Variants in DLG2 observed in about 807,000 individuals in gnomAD.
DLG2 encodes discs large MAGUK scaffold protein 2, also known as disks large homolog 2.
A neutral mutation model predicts 132.5 loss-of-function variants in DLG2; 45 were observed. The observed-to-expected ratio is 0.34, with a 90% CI of 0.27 to 0.44. The LOEUF (loss-of-function observed/expected upper bound fraction) is 0.44, where lower values mean the gene tolerates loss of function less well. Ranked by LOEUF, DLG2 falls within the 20% of genes least tolerant of loss-of-function variation. DLG2 has a pLI of 1.00. For missense variants in DLG2, 1,045 were observed against 1,196.9 expected, an observed-to-expected ratio of 0.87 and a Z score of 1.87; for synonymous variants, 424 against 419.6, an observed-to-expected ratio of 1.01 and a Z score of -0.13.
At chr11:83,900,162 C>A (rs1272335990) in intron 15 of DLG2, among the ~76,000 whole-genome samples, 1 of 152,050 alleles carries the variant, frequency 6.6e-6, no homozygotes, top group Non-Finnish European at 1.5e-5. Flanking sequence ...TTCTAAGCAG[C>A]AAAGCATTCA....
chr11:84,019,354 T>C (rs989125639), intron 11 of DLG2, among the ~76,000 whole-genome samples: 1 of 152,110 alleles, frequency 6.6e-6, no homozygotes, highest in Non-Finnish European at 1.5e-5. Context: ...CAAGTTTATA[T>C]TGAAAATTTT....
chr11:85,110,072 A>C (rs902011544), intron 6 of DLG2, among the ~76,000 whole-genome samples: 1 of 152,104 alleles, frequency 6.6e-6, no homozygotes, highest in African/African-American at 2.4e-5. Context: ...TAGGACCCCA[A>C]GGAGCACATT....
In DLG2 at chr11:84,534,723, T is replaced by C; in HGVS notation, c.366A>G (p.Arg122=). 1 of 1,614,062 alleles carries C rather than the reference T, an allele frequency of 6.2e-7. No individual in the cohort carries two copies. The highest frequency in any genetic ancestry group is 8.5e-7 in the Non-Finnish European group (1 of 1,179,928). ...CATGTGGAGCGTCCTCATCTTGATA[T>C]CGATACTTCTAGGAGAAAAGAAAAG... ...WMPVHHCTKY[R]YQDEDAPHDH... Residue 122 remains arginine, a synonymous_variant, in exon 7 of 28, where the codon CGA becomes CGG. Transcript: ENST00000376104.
intron 17 of DLG2, among the ~76,000 whole-genome samples, chr11:83,829,125 C>T (rs2053743378): frequency 6.6e-6 from 1 of 151,874 alleles, no homozygotes; most frequent in Non-Finnish European, 1.5e-5. Context: ...GAAACTACTA[C>T]ATTATTGTTA....
upstream of DLG2, chr11:85,627,843 A>G (rs1210746576): frequency 2.0e-5 from 3 of 152,594 alleles, no homozygotes; most frequent in African/African-American, 2.4e-5. Flanking sequence ...TAGAAATTAT[A>G]TAACTCTCGA....
rs537493404 is a variant in DLG2 at position 84,599,163 on chromosome 11, C to T, written c.358-64432G>A. On this transcript the variant is annotated intron_variant, in intron 6 of 27. Coordinates refer to ENST00000376104, the MANE Select transcript of DLG2 (RefSeq NM_001142699.3). ...AGGAGGCTGAGGCAGGAGAATCATT[C>T]GAGCCCGGGAGGCAGAGGTTGCAGT... Among the ~76,000 whole-genome samples the T allele has an allele frequency of 1.2e-4, 18 of 152,032 alleles. No homozygotes were observed. The East Asian group carries it at 3.1e-3, about 26-fold the overall frequency.
intron 6 of DLG2, among the ~76,000 whole-genome samples, chr11:84,880,206 C>T (rs1444388241): frequency 6.6e-6 from 1 of 152,034 alleles, no homozygotes; most frequent in Non-Finnish European, 1.5e-5. Context: ...AACCCTAAGC[C>T]TGACTAAGGA....
intron 7 of DLG2, among the ~76,000 whole-genome samples, chr11:84,388,361 A>G (rs964774769): frequency 6.6e-6 from 1 of 152,076 alleles, no homozygotes; most frequent in African/African-American, 2.4e-5. Context: ...AATTTTCCAA[A>G]TTGCCTACAG....
chr11:85,017,810 C>A (rs1404340530), intron 6 of DLG2, among the ~76,000 whole-genome samples: 3 of 152,154 alleles, frequency 2.0e-5, no homozygotes, highest in Admixed American at 2.0e-4. Flanking sequence ...GCCCCAATTA[C>A]CCTTCCTTCT....
chr11:84,581,089 C>CT (rs1329147024), intron 6 of DLG2, among the ~76,000 whole-genome samples: 3 of 152,102 alleles, frequency 2.0e-5, no homozygotes, highest in Admixed American at 2.0e-4. Context: ...GCTGCTCTCC[C>CT]TTTTTTTATG....
At chr11:84,966,825 A>G (rs535968342) in intron 6 of DLG2, among the ~76,000 whole-genome samples, 4 of 152,280 alleles carry the variant, frequency 2.6e-5, no homozygotes, top group Non-Finnish European at 5.9e-5. Flanking sequence ...AAACAGAAAT[A>G]ATTTTAAAGA....
intron 6 of DLG2, among the ~76,000 whole-genome samples, chr11:84,832,408 G>A (rs1370501454): frequency 2.6e-5 from 4 of 151,604 alleles, no homozygotes; most frequent in Admixed American, 2.0e-4. Flanking sequence ...CAAAAGCCTG[G>A]TGCTTCTAGA....
chr11:85,116,614 T>C (rs1337908604), intron 5 of DLG2, among the ~76,000 whole-genome samples: 1 of 151,590 alleles, frequency 6.6e-6, no homozygotes, highest in African/African-American at 2.4e-5. Context: ...AATTTCAGAG[T>C]GAGATGTTTA....
At chr11:84,788,418 C>T (rs1189871630) in intron 6 of DLG2, among the ~76,000 whole-genome samples, 2 of 152,102 alleles carry the variant, frequency 1.3e-5, no homozygotes, top group Non-Finnish European at 2.9e-5. Context: ...ATGTCTCTGT[C>T]ACTGCGACCT....
intron 9 of DLG2, among the ~76,000 whole-genome samples, chr11:84,143,411 G>A (rs1224357369): frequency 6.6e-6 from 1 of 152,198 alleles, no homozygotes; most frequent in African/African-American, 2.4e-5. Context: ...TTAAATCCAA[G>A]GTGACATTTT....
chr11:84,875,499 G>T (rs1322248550), intron 6 of DLG2, among the ~76,000 whole-genome samples: 1 of 148,538 alleles, frequency 6.7e-6, no homozygotes, highest in Non-Finnish European at 1.5e-5. Context: ...ATTTCCTGGT[G>T]GAAAAAAAAA....
intron 4 of DLG2, among the ~76,000 whole-genome samples, chr11:85,166,494 C>T (rs917125726): frequency 1.3e-5 from 2 of 151,964 alleles, no homozygotes; most frequent in African/African-American, 4.8e-5. Flanking sequence ...CTATTTATGA[C>T]TCCCTCCTCC....
intron 6 of DLG2, among the ~76,000 whole-genome samples, chr11:84,872,828 G>A (rs2085686542): frequency 6.6e-6 from 1 of 152,182 alleles, no homozygotes; most frequent in Non-Finnish European, 1.5e-5. Context: ...AGCAATGATG[G>A]AAACTTAATT....
At chr11:83,660,507 T>C (rs1276655883) in intron 18 of DLG2, among the ~76,000 whole-genome samples, 1 of 152,228 alleles carries the variant, frequency 6.6e-6, no homozygotes, top group African/African-American at 2.4e-5. Context: ...CTGAGTCCAG[T>C]AGCTGCTACC....
Sources: gnomAD v4.1 joint callset for allele counts (sites outside exome capture counted in the v4.1 genomes callset) on GRCh38, gnomAD v4.1.1 for gene constraint, MANE v1.5 for transcripts, NCBI Gene and HGNC (gene_info 2026-07-23, HGNC 2026-07-21) for gene names.